Variants in CEP170 observed in about 807,000 individuals in gnomAD.
The protein encoded by CEP170 is centrosomal protein of 170 kDa.
CEP170 carries 21 observed loss-of-function variants against 151.9 expected under a neutral mutation model. That is an observed-to-expected ratio of 0.14 (90% CI 0.10 to 0.20). CEP170 has a LOEUF of 0.20. Among genes scored for constraint, CEP170 ranks in the 10% least tolerant of loss-of-function variants. CEP170 has a pLI of 1.00. For missense variants in CEP170, 964 were observed against 1,892.9 expected, an observed-to-expected ratio of 0.51 and a Z score of 9.11; for synonymous variants, 356 against 648.8, an observed-to-expected ratio of 0.55 and a Z score of 6.86.
intron 4 of CEP170, among the ~76,000 whole-genome samples, chr1:243,206,176 C>G (rs1028416961): frequency 2.0e-5 from 3 of 152,170 alleles, no homozygotes; most frequent in South Asian, 2.1e-4. Flanking sequence ...CTCTTTTGCC[C>G]AGGCTGGAGT....
At chr1:243,154,191 G>C (rs1266669253) in intron 14 of CEP170, among the ~76,000 whole-genome samples, 421 of 150,960 alleles carry the variant, frequency 2.8e-3, no homozygotes, top group Non-Finnish European at 4.5e-3. Flanking sequence ...TAAACAGAAA[G>C]AGTATGCTAA....
intron 8 of CEP170, among the ~76,000 whole-genome samples, chr1:243,190,240 C>T (rs572201705): frequency 6.6e-6 from 1 of 152,042 alleles, no homozygotes; most frequent in South Asian, 2.1e-4. Context: ...AATCGTTTTC[C>T]TTATAGATAG....
rs2060278701 is a variant in CEP170, at chr1:243,191,049, A to G, written c.1077T>C (p.Ser359=). Residue 359 remains serine, a synonymous_variant, in exon 8 of 20, where the codon AGT becomes AGC. Coordinates refer to ENST00000366542, the MANE Select transcript of CEP170 (RefSeq NM_014812.3). ...ACCTTTTCAAGTACACTGGAACATC[A>G]CTTTTAATGCTTTTAGAATCCTCTT... ...RTEEDSKSIK[S]DVPVYLKRLK... is the part of the protein sequence containing the mutation. 3 of 1,602,966 alleles carry G rather than the reference A, an allele frequency of 1.9e-6. No individual in the cohort carries two copies. Among genetic ancestry groups the G allele is most frequent in the Non-Finnish European group, 2.6e-6 (3 of 1,173,632 alleles).
At chr1:243,156,554 C>A (rs1417094863) in intron 13 of CEP170, 99 bp from the exon 14 acceptor site, 2 of 1,162,702 alleles carry the variant, frequency 1.7e-6, no homozygotes, top group South Asian at 1.8e-5. Context: ...AGCGCACACA[C>A]GGCACAATTT....
At chr1:243,169,019 T>A (rs1441035886) in intron 12 of CEP170, among the ~76,000 whole-genome samples, 4 of 150,512 alleles carry the variant, frequency 2.7e-5, no homozygotes, top group Non-Finnish European at 5.9e-5. Context: ...TATATGTGCT[T>A]CATCTTTCTA....
intron 1 of CEP170, among the ~76,000 whole-genome samples, chr1:243,235,943 C>T (rs2064208721): frequency 1.3e-5 from 2 of 152,154 alleles, no homozygotes; most frequent in African/African-American, 2.4e-5. Flanking sequence ...TTTTCCCTGT[C>T]AGTTTATGAA....
chr1:243,228,554 T>C (rs2063480770), intron 1 of CEP170, among the ~76,000 whole-genome samples: 1 of 152,204 alleles, frequency 6.6e-6, no homozygotes, highest in African/African-American at 2.4e-5. Flanking sequence ...TTGCATACTG[T>C]ATTTTCAGGG....
chr1:243,141,979 T>G (rs1301080074), intron 15 of CEP170, among the ~76,000 whole-genome samples: 1 of 152,218 alleles, frequency 6.6e-6, no homozygotes, highest in Non-Finnish European at 1.5e-5. Context: ...AGTCAAACTT[T>G]ATAGAAACTT....
intron 10 of CEP170, among the ~76,000 whole-genome samples, chr1:243,180,618 T>C (rs1417547583): frequency 6.6e-6 from 1 of 152,210 alleles, no homozygotes; most frequent in African/African-American, 2.4e-5. Context: ...CATCCTGCCT[T>C]CTTCTACATA....
intron 1 of CEP170, among the ~76,000 whole-genome samples, chr1:243,240,546 T>C (rs974443064): frequency 2.6e-5 from 4 of 152,172 alleles, no homozygotes; most frequent in African/African-American, 4.8e-5. Context: ...GGAACACTTC[T>C]ATGTGTGTAT....
Position 243,215,508 on chromosome 1 carries a change from A to G in CEP170, c.196-3544T>C, listed in dbSNP as rs1207797760. ...ATGTCTGTCTTTTACGGTTGGAGAT[A>G]AGGGATGAAATAAGCCCCAGTCTCC... On this transcript the variant is annotated intron_variant, in intron 3 of 19. Coordinates refer to ENST00000366542, the MANE Select transcript of CEP170 (RefSeq NM_014812.3). 1.1e-4 allele frequency among the ~76,000 whole-genome samples: 16 copies of G among 152,134 alleles called. 1 individual carries two copies. Among genetic ancestry groups the G allele is most frequent in the Admixed American group, 1.0e-3 (16 of 15,280 alleles).
chr1:243,124,678 C>A lies in CEP170; in HGVS notation c.*1771G>T, dbSNP rs1443227140. 6.6e-6 allele frequency: 1 copy of A among 152,372 alleles called. No homozygotes were observed. Among genetic ancestry groups the A allele is most frequent in the Non-Finnish European group, 1.5e-5 (1 of 67,962 alleles). 9.4% of individuals were successfully genotyped at this position (152,372 alleles called of 1,614,324 possible). A position where few individuals can be genotyped will look rare whatever the true frequency, so the allele number is the denominator to read the frequency against. ...ACTTCCATGTGGATATAATCAGTAC[C>A]CAAATATTAAATAAAAGAGGGAGCA... On this transcript the variant is annotated 3_prime_UTR_variant, in exon 20 of 20. Transcript: ENST00000366542.
intron 19 of CEP170, 61 bp from the exon 20 acceptor site, chr1:243,126,799 C>T (rs1320316849): frequency 9.7e-6 from 14 of 1,445,642 alleles, no homozygotes; most frequent in Non-Finnish European, 1.2e-5. Context: ...AAACACTGTT[C>T]ATGATTTGGA....
intron 11 of CEP170, among the ~76,000 whole-genome samples, chr1:243,170,153 C>T (rs1032619492): frequency 2.0e-5 from 3 of 152,040 alleles, no homozygotes; most frequent in Non-Finnish European, 2.9e-5. Flanking sequence ...TTTGGGAGGC[C>T]GAGGCAGGTG....
intron 12 of CEP170, among the ~76,000 whole-genome samples, chr1:243,167,816 T>C (rs2058546610): frequency 6.6e-6 from 1 of 151,936 alleles, no homozygotes; most frequent in African/African-American, 2.4e-5. Context: ...TAGTGCTAAC[T>C]GAAGCATCTA....
intron 1 of CEP170, among the ~76,000 whole-genome samples, chr1:243,237,468 A>G (rs2064354014): frequency 6.6e-6 from 1 of 152,232 alleles, no homozygotes. Context: ...TATTTACCTT[A>G]AGGATCGCTT....
chr1:243,144,096 C>T (rs1343377080), intron 14 of CEP170, among the ~76,000 whole-genome samples: 2 of 152,152 alleles, frequency 1.3e-5, no homozygotes, highest in East Asian at 3.8e-4. Context: ...TTATGATGTG[C>T]CAGGCACTGT....
Position 243,156,267 on chromosome 1 carries a change from C to T in CEP170, c.3865G>A (p.Glu1289Lys), listed in dbSNP as rs1239745196. ...SSFKHRIKEQEDYIRDWTAHR... is the reference protein window; with the variant it reads ...SSFKHRIKEQKDYIRDWTAHR... ...GCAGTCCAATCTCGGATGTAGTCTT[C>T]CTGCTCTTTAATCCGGTGTTTGAAT... The change falls in exon 14 of 20, where the codon GAA becomes AAA. Residue 1289 changes from glutamate to lysine, a missense_variant. Coordinates refer to ENST00000366542, the MANE Select transcript of CEP170 (RefSeq NM_014812.3). 1.3e-6 allele frequency: 2 copies of T among 1,588,820 alleles called. No homozygotes were observed. Among genetic ancestry groups the T allele is most frequent in the African/African-American group, 2.7e-5 (2 of 73,460 alleles).
At chr1:243,147,108 T>C (rs905125319) in intron 14 of CEP170, among the ~76,000 whole-genome samples, 25 of 152,222 alleles carry the variant, frequency 1.6e-4, no homozygotes, top group African/African-American at 6.0e-4. Flanking sequence ...TTCTTATTAC[T>C]ACACTGCCTA....
Sources: gnomAD v4.1 joint callset for allele counts (sites outside exome capture counted in the v4.1 genomes callset) on GRCh38, gnomAD v4.1.1 for gene constraint, MANE v1.5 for transcripts, NCBI Gene and HGNC (gene_info 2026-07-23, HGNC 2026-07-21) for gene names.